Variants in ELL observed in about 807,000 individuals in gnomAD.
ELL encodes the protein elongation factor for RNA polymerase II.
ELL carries 18 observed loss-of-function variants against 64.0 expected under a neutral mutation model. The observed-to-expected ratio is 0.28, with a 90% CI of 0.19 to 0.42. ELL has a LOEUF of 0.42. ELL is among the 10% of genes least tolerant of loss of function. ELL has a pLI of 1.00. For missense variants in ELL, 797 were observed against 870.4 expected (o/e 0.92, Z 1.06); for synonymous variants, 399 against 376.2 (o/e 1.06, Z -0.70).
intron 1 of ELL, among the ~76,000 whole-genome samples, chr19:18,498,720 C>T (rs745442795): frequency 2.4e-4 from 36 of 152,058 alleles, no homozygotes; most frequent in Non-Finnish European, 4.1e-4. Context: ...GAAGCCAAGG[C>T]GGGAGGATCG....
At chr19:18,463,753 C>T (rs955745580) in intron 4 of ELL, among the ~76,000 whole-genome samples, 2 of 151,276 alleles carry the variant, frequency 1.3e-5, no homozygotes, top group African/African-American at 4.9e-5. Context: ...CTGAGGTGGG[C>T]GGATTACGAG....
chr19:18,502,394 G>A (rs1975798182), intron 1 of ELL, among the ~76,000 whole-genome samples: 1 of 152,188 alleles, frequency 6.6e-6, no homozygotes, highest in Non-Finnish European at 1.5e-5. Flanking sequence ...TGTCCCAGGT[G>A]AGGGCCAGGC....
chr19:18,482,656 T>G (rs1398197294), intron 1 of ELL, among the ~76,000 whole-genome samples: 3 of 152,150 alleles, frequency 2.0e-5, no homozygotes, highest in Non-Finnish European at 4.4e-5. Context: ...TAACAGTATC[T>G]CTCAAAATAC....
intron 6 of ELL, among the ~76,000 whole-genome samples, chr19:18,456,823 C>T (rs552908687): frequency 2.3e-4 from 35 of 152,230 alleles, no homozygotes; most frequent in African/African-American, 7.0e-4. Context: ...TGTCTCACGG[C>T]CTGCACTAGG....
intron 1 of ELL, among the ~76,000 whole-genome samples, chr19:18,483,277 T>A (rs2144944647): frequency 6.6e-6 from 1 of 152,292 alleles, no homozygotes; most frequent in South Asian, 2.1e-4. Flanking sequence ...TCCCTGGATA[T>A]TCCCCGGATG....
chr19:18,492,969 T>C (rs1443369485), intron 1 of ELL, among the ~76,000 whole-genome samples: 1 of 151,956 alleles, frequency 6.6e-6, no homozygotes, highest in Non-Finnish European at 1.5e-5. Flanking sequence ...CCCCTCCAAA[T>C]GAAAAGCCAT....
chr19:18,446,181 G>C, intron 10 of ELL, 128 bp downstream of exon 10: 1 of 1,183,824 alleles, frequency 8.4e-7, no homozygotes, highest in Admixed American at 2.9e-5. Flanking sequence ...GTGCACCAGG[G>C]GGAGAAGCGC....
At chr19:18,446,514 C>A in intron 9 of ELL, 34 bp from the exon 10 acceptor site, 1 of 1,600,040 alleles carries the variant, frequency 6.2e-7, no homozygotes. Context: ...TGAGTGGAGG[C>A]TGGAAGGACC....
At chr19:18,472,777 A>T (rs776246592) in intron 2 of ELL, 58 bp downstream of exon 2, 11 of 1,570,130 alleles carry the variant, frequency 7.0e-6, no homozygotes, top group Non-Finnish European at 9.5e-6. Context: ...GCAAGGACAG[A>T]CCTGAGACTA....
chr19:18,506,880 C>G (rs1401830239), intron 1 of ELL, among the ~76,000 whole-genome samples: 2 of 152,186 alleles, frequency 1.3e-5, no homozygotes, highest in Non-Finnish European at 2.9e-5. Flanking sequence ...ATCCTACGCT[C>G]TACGCCAGAC....
intron 1 of ELL, among the ~76,000 whole-genome samples, chr19:18,496,512 A>G (rs1975655759): frequency 6.8e-6 from 1 of 146,842 alleles, no homozygotes; most frequent in South Asian, 2.1e-4. Flanking sequence ...AAACCAGGTC[A>G]AGTGCAGGTA....
chr19:18,484,757 T>C (rs1975376778), intron 1 of ELL, among the ~76,000 whole-genome samples: 1 of 151,932 alleles, frequency 6.6e-6, no homozygotes. Flanking sequence ...TTTGGTGGGG[T>C]TTTGTTTTTC....
intron 2 of ELL, 53 bp from the exon 3 acceptor site, chr19:18,465,971 C>T: frequency 3.2e-6 from 4 of 1,258,848 alleles, no homozygotes; most frequent in Non-Finnish European, 4.0e-6. Flanking sequence ...GGACAGGTCC[C>T]CAGCCTGCAT....
intron 1 of ELL, among the ~76,000 whole-genome samples, chr19:18,500,874 G>A (rs1443022677): frequency 6.6e-6 from 1 of 152,198 alleles, no homozygotes; most frequent in Non-Finnish European, 1.5e-5. Flanking sequence ...AATACAGTTT[G>A]AGTGCTTCAA....
At chr19:18,456,352 G>A (rs533691506) in intron 6 of ELL, among the ~76,000 whole-genome samples, 3 of 152,336 alleles carry the variant, frequency 2.0e-5, no homozygotes, top group Non-Finnish European at 2.9e-5. Flanking sequence ...GACCTTCAAC[G>A]TGGAGGGAAA....
chr19:18,508,872 C>G (rs1468666328), intron 1 of ELL, among the ~76,000 whole-genome samples: 1 of 152,208 alleles, frequency 6.6e-6, no homozygotes, highest in Non-Finnish European at 1.5e-5. Context: ...TACCAACACG[C>G]TATAGTCTCT....
At chr19:18,489,622 C>T (rs1975484621) in intron 1 of ELL, among the ~76,000 whole-genome samples, 1 of 152,198 alleles carries the variant, frequency 6.6e-6, no homozygotes, top group Non-Finnish European at 1.5e-5. Flanking sequence ...GCAGGCTTAG[C>T]CCTGCAGCCC....
chr19:18,463,935 G>A (rs1257096462), intron 4 of ELL, among the ~76,000 whole-genome samples: 92 of 150,644 alleles, frequency 6.1e-4, no homozygotes, highest in Non-Finnish European at 7.4e-4. Context: ...GCAGTGAGCC[G>A]AGATCGCGCC....
At chr19:18,495,097 G>A (rs1021245877) in intron 1 of ELL, among the ~76,000 whole-genome samples, 5 of 152,312 alleles carry the variant, frequency 3.3e-5, no homozygotes, top group Middle Eastern at 6.8e-3. Context: ...GAGCCCCTGG[G>A]CACAAATGTT....
Sources: gnomAD v4.1 joint callset for allele counts (sites outside exome capture counted in the v4.1 genomes callset) on GRCh38, gnomAD v4.1.1 for gene constraint, MANE v1.5 for transcripts, NCBI Gene and HGNC (gene_info 2026-07-23, HGNC 2026-07-21) for gene names.